GPD2: variants seen among roughly 807,000 people sequenced by gnomAD.
GPD2 encodes the protein glycerol-3-phosphate dehydrogenase, mitochondrial.
A neutral mutation model predicts 82.4 loss-of-function variants in GPD2; 54 were observed. The observed-to-expected ratio is 0.66, with a 90% CI of 0.53 to 0.82. The LOEUF (loss-of-function observed/expected upper bound fraction) is 0.82. GPD2 is among the 40% of genes least tolerant of loss of function. The pLI is 0.00. For missense variants in GPD2, 748 were observed against 896.2 expected (o/e 0.83, Z 2.11); for synonymous variants, 288 against 306.1 (o/e 0.94, Z 0.62).
intron 3 of GPD2, among the ~76,000 whole-genome samples, chr2:156,503,248 T>G (rs1684658011): frequency 6.6e-6 from 1 of 152,188 alleles, no homozygotes; most frequent in African/African-American, 2.4e-5. Flanking sequence ...CTTTTTTACC[T>G]TTCCTTGTAA....
At chr2:156,542,061 T>G (rs2105323526) in intron 6 of GPD2, among the ~76,000 whole-genome samples, 1 of 152,202 alleles carries the variant, frequency 6.6e-6, no homozygotes, top group East Asian at 1.9e-4. Context: ...ATTTAAAACT[T>G]TTTCAAGAGA....
chr2:156,452,929 T>G (rs1184670714), intron 1 of GPD2, among the ~76,000 whole-genome samples: 4 of 152,084 alleles, frequency 2.6e-5, no homozygotes, highest in African/African-American at 9.7e-5. Flanking sequence ...GAAGATGAAA[T>G]TTTTACCTAG....
chr2:156,414,226 A>G, the GPD2 span, among the ~76,000 whole-genome samples: 9 of 152,234 alleles, frequency 5.9e-5, no homozygotes, highest in Non-Finnish European at 1.3e-4. Context: ...TCTTATTTCA[A>G]TATTCTAAGT....
chr2:156,529,758 G>A (rs1200308844), intron 6 of GPD2, among the ~76,000 whole-genome samples: 2 of 151,182 alleles, frequency 1.3e-5, no homozygotes, highest in Non-Finnish European at 3.0e-5. Flanking sequence ...TAGATATGTG[G>A]CGTTATTTCT....
chr2:156,527,944 C>T (rs759091016), intron 6 of GPD2, among the ~76,000 whole-genome samples: 3 of 152,078 alleles, frequency 2.0e-5, no homozygotes, highest in African/African-American at 7.2e-5. Context: ...AGCTCACAGG[C>T]AGTTCTCTCT....
At chr2:156,577,873 G>A (rs1687882815) in intron 13 of GPD2, among the ~76,000 whole-genome samples, 1 of 152,164 alleles carries the variant, frequency 6.6e-6, no homozygotes, top group Admixed American at 6.5e-5. Flanking sequence ...TATGGCACAG[G>A]AGTAAGAGAT....
At chr2:156,575,152 G>A (rs940088957) in intron 13 of GPD2, among the ~76,000 whole-genome samples, 2 of 152,064 alleles carry the variant, frequency 1.3e-5, no homozygotes, top group African/African-American at 4.8e-5. Context: ...AAATACTGTA[G>A]CAAATAGGAA....
chr2:156,579,288 A>G, intron 15 of GPD2, 124 bp downstream of exon 15: 1 of 662,604 alleles, frequency 1.5e-6, no homozygotes, highest in Non-Finnish European at 2.6e-6. Context: ...ATTTAGTAAC[A>G]TTAGTGAAAG....
At chr2:156,578,158 T>C (rs1017752506) in intron 13 of GPD2, among the ~76,000 whole-genome samples, 2 of 152,194 alleles carry the variant, frequency 1.3e-5, no homozygotes, top group African/African-American at 4.8e-5. Context: ...CAGCAACAGT[T>C]AGTATTAATT....
At chr2:156,535,992 A>G (rs1352934561) in intron 6 of GPD2, among the ~76,000 whole-genome samples, 2 of 152,176 alleles carry the variant, frequency 1.3e-5, no homozygotes, top group African/African-American at 2.4e-5. Flanking sequence ...CCCTATCAGG[A>G]TATTAGTGGC....
chr2:156,507,005 G>A (rs1180281620), intron 3 of GPD2, among the ~76,000 whole-genome samples: 1 of 151,976 alleles, frequency 6.6e-6, no homozygotes, highest in African/African-American at 2.4e-5. Context: ...GCTTGCCTGT[G>A]CATGCTACAT....
At chr2:156,546,772 A>T (rs758959695) in intron 6 of GPD2, among the ~76,000 whole-genome samples, 43 of 152,158 alleles carry the variant, frequency 2.8e-4, no homozygotes, top group Admixed American at 2.7e-3. Context: ...TATTTAACAT[A>T]AATATAGGGC....
intron 6 of GPD2, among the ~76,000 whole-genome samples, chr2:156,518,609 G>A (rs1301112172): frequency 6.6e-6 from 1 of 152,144 alleles, no homozygotes; most frequent in Non-Finnish European, 1.5e-5. Flanking sequence ...ATTTTAAGGT[G>A]TTGATTTTAT....
intron 1 of GPD2, among the ~76,000 whole-genome samples, chr2:156,449,797 G>A (rs1975902): frequency 5.6e-4 from 80 of 143,960 alleles, no homozygotes; most frequent in Admixed American, 2.3e-3. Context: ...AATCACATGA[G>A]GCCAGGAGTT....
intron 1 of GPD2, among the ~76,000 whole-genome samples, chr2:156,461,303 A>G (rs4635480): frequency 0.59 from 89,016 of 151,544 alleles, 26,364 homozygotes; most frequent in East Asian, 0.77. Context: ...GGCATCCTCT[A>G]TACTGCAGCT....
At chr2:156,471,812 GAC>G (rs912165404) in intron 1 of GPD2, among the ~76,000 whole-genome samples, 5 of 152,094 alleles carry the variant, frequency 3.3e-5, no homozygotes, top group Admixed American at 6.5e-5. Flanking sequence ...AGAGTTACAA[GAC>G]ACACTTTGAT....
chr2:156,408,263 T>G, the GPD2 span, among the ~76,000 whole-genome samples: 2 of 152,234 alleles, frequency 1.3e-5, no homozygotes, highest in East Asian at 3.9e-4. Flanking sequence ...CCAAAAGTAG[T>G]GTTCTAAATT....
At chr2:156,525,043 A>G (rs1685552811) in intron 6 of GPD2, among the ~76,000 whole-genome samples, 1 of 152,164 alleles carries the variant, frequency 6.6e-6, no homozygotes, top group Non-Finnish European at 1.5e-5. Flanking sequence ...GCCTACCTTA[A>G]GGTATATTGT....
At chr2:156,537,072 G>A (rs1215766992) in intron 6 of GPD2, among the ~76,000 whole-genome samples, 1 of 152,190 alleles carries the variant, frequency 6.6e-6, no homozygotes, top group East Asian at 1.9e-4. Flanking sequence ...ATTGGGGCAG[G>A]AACTCTTCTG....
Sources: allele counts gnomAD v4.1 joint callset (sites outside exome capture counted in the v4.1 genomes callset), GRCh38; gene constraint gnomAD v4.1.1; transcripts MANE v1.5; gene names NCBI Gene and HGNC (gene_info 2026-07-23, HGNC 2026-07-21).